The following RUNX1 variants were observed in gnomAD, a reference collection of about 807,000 sequenced individuals.
The protein encoded by RUNX1 is runt-related transcription factor 1.
RUNX1 carries 19 observed loss-of-function variants against 42.8 expected under a neutral mutation model. The ratio of observed to expected loss-of-function variants is 0.44; its 90% CI spans 0.31 to 0.65. The LOEUF (loss-of-function observed/expected upper bound fraction) is 0.65, where lower values mean the gene tolerates loss of function less well. Ranked by LOEUF, RUNX1 falls within the 30% of genes least tolerant of loss-of-function variation. The pLI, the probability that RUNX1 is intolerant of heterozygous loss-of-function variation, is 0.07. For synonymous variants in RUNX1, 271 were observed against 289.4 expected (o/e 0.94, Z 0.64); for missense variants, 528 against 672.0 (o/e 0.79, Z 2.37).
intron 2 of RUNX1, among the ~76,000 whole-genome samples, chr21:34,926,720 G>T (rs1475902365): frequency 6.6e-6 from 1 of 151,916 alleles, no homozygotes. Context: ...CTCCAGGTGG[G>T]ATTTAACATA....
intron 5 of RUNX1, among the ~76,000 whole-genome samples, chr21:34,861,018 T>C (rs1378805976): frequency 6.6e-6 from 1 of 152,192 alleles, no homozygotes; most frequent in Non-Finnish European, 1.5e-5. Context: ...AGCTGACCTG[T>C]CCAATAAACG....
chr21:34,887,406 CT>C, intron 3 of RUNX1: 1 of 1,391,448 alleles, frequency 7.2e-7, no homozygotes, highest in Non-Finnish European at 9.3e-7. Flanking sequence ...ACGAATCTTG[CT>C]TGCAGAGGTT....
At chr21:35,012,945 G>A (rs1053760614) in intron 2 of RUNX1, among the ~76,000 whole-genome samples, 36 of 152,228 alleles carry the variant, frequency 2.4e-4, no homozygotes, top group African/African-American at 7.9e-4. Flanking sequence ...AGCAGCCATC[G>A]ATAATACATA....
intron 2 of RUNX1, among the ~76,000 whole-genome samples, chr21:34,987,454 C>T (rs888407948): frequency 6.6e-6 from 1 of 152,132 alleles, no homozygotes; most frequent in South Asian, 2.1e-4. Flanking sequence ...TGATTCCTGA[C>T]ATACTAATTT....
chr21:34,841,049 G>C (rs551661510), intron 6 of RUNX1, among the ~76,000 whole-genome samples: 1 of 152,326 alleles, frequency 6.6e-6, no homozygotes, highest in Admixed American at 6.5e-5. Flanking sequence ...AAGCCACTCT[G>C]CGGAACACTC....
intron 2 of RUNX1, among the ~76,000 whole-genome samples, chr21:35,043,212 A>T (rs972776707): frequency 6.6e-6 from 1 of 151,938 alleles, no homozygotes; most frequent in Non-Finnish European, 1.5e-5. Context: ...CCTTTTTACC[A>T]CTCCAGGACA....
chr21:34,821,741 A>T, intron 7 of RUNX1: 1 of 1,526,496 alleles, frequency 6.6e-7, no homozygotes, highest in Non-Finnish European at 8.9e-7. Flanking sequence ...GAAAATAAGG[A>T]CAATTCTTTA....
chr21:34,949,237 T>C (rs1265329066), intron 2 of RUNX1, among the ~76,000 whole-genome samples: 2 of 152,238 alleles, frequency 1.3e-5, no homozygotes, highest in Non-Finnish European at 2.9e-5. Flanking sequence ...TCCTTTTCAC[T>C]AAACAACCAG....
chr21:34,924,830 T>A (rs767589317), intron 2 of RUNX1, among the ~76,000 whole-genome samples: 19 of 152,206 alleles, frequency 1.2e-4, no homozygotes, highest in Admixed American at 5.2e-4. Flanking sequence ...AAGATTAAGA[T>A]TCAGCTCTGG....
chr21:34,979,446 A>T (rs1188485950), intron 2 of RUNX1, among the ~76,000 whole-genome samples: 1 of 152,140 alleles, frequency 6.6e-6, no homozygotes, highest in Non-Finnish European at 1.5e-5. Context: ...TAGGTATTTT[A>T]TCAGGTGCTC....
intron 8 of RUNX1, among the ~76,000 whole-genome samples, chr21:34,793,011 G>A (rs1176636073): frequency 1.3e-5 from 2 of 151,496 alleles, no homozygotes; most frequent in African/African-American, 2.4e-5. Context: ...GGATGCTACC[G>A]CCTAGGAGGA....
intron 2 of RUNX1, among the ~76,000 whole-genome samples, chr21:34,982,356 G>A (rs1221403828): frequency 6.6e-6 from 1 of 151,608 alleles, no homozygotes; most frequent in African/African-American, 2.4e-5. Context: ...TCTTACTAGG[G>A]TCCCAGGGTT....
intron 2 of RUNX1, among the ~76,000 whole-genome samples, chr21:34,929,654 A>G (rs536932880): frequency 6.6e-6 from 1 of 152,330 alleles, no homozygotes; most frequent in African/African-American, 2.4e-5. Flanking sequence ...AAAATACTCA[A>G]TATATAATTC....
At chr21:35,027,259 G>T (rs2059244213) in intron 2 of RUNX1, among the ~76,000 whole-genome samples, 1 of 152,236 alleles carries the variant, frequency 6.6e-6, no homozygotes, top group African/African-American at 2.4e-5. Flanking sequence ...CAGCTTGGAG[G>T]CGGGAGATTT....
intron 2 of RUNX1, among the ~76,000 whole-genome samples, chr21:35,017,564 T>C (rs2059168496): frequency 6.6e-6 from 1 of 152,184 alleles, no homozygotes; most frequent in South Asian, 2.1e-4. Context: ...CTTTTCAGGC[T>C]ATCTGGTGTG....
chr21:34,834,130 T>A, intron 7 of RUNX1: 1 of 662,074 alleles, frequency 1.5e-6, no homozygotes. Flanking sequence ...CTATCCAATA[T>A]GGATATCCAT....
At chr21:34,865,869 C>T (rs1000009443) in intron 5 of RUNX1, among the ~76,000 whole-genome samples, 2 of 152,190 alleles carry the variant, frequency 1.3e-5, no homozygotes, top group Non-Finnish European at 2.9e-5. Flanking sequence ...AGACATGCAG[C>T]TCGGGGTCAT....
chr21:34,888,073 C>T, intron 3 of RUNX1: 5 of 1,066,302 alleles, frequency 4.7e-6, no homozygotes, highest in Non-Finnish European at 5.7e-6. Flanking sequence ...AGTTGAGCAG[C>T]CGCAGAGTCA....
chr21:34,897,726 T>A (rs943926534), intron 2 of RUNX1, among the ~76,000 whole-genome samples: 36 of 152,240 alleles, frequency 2.4e-4, no homozygotes, highest in Admixed American at 2.0e-3. Context: ...CATAAAAGAT[T>A]GAATTACCTA....
Sources: gnomAD v4.1 joint callset for allele counts (sites outside exome capture counted in the v4.1 genomes callset) on GRCh38, gnomAD v4.1.1 for gene constraint, MANE v1.5 for transcripts, NCBI Gene and HGNC (gene_info 2026-07-23, HGNC 2026-07-21) for gene names.